The following CUL2 variants were observed in gnomAD, a reference collection of about 807,000 sequenced individuals.
CUL2 encodes cullin 2.
A neutral mutation model predicts 110.2 loss-of-function variants in CUL2; 22 were observed. The observed-to-expected ratio is 0.20, with a 90% CI of 0.14 to 0.28. The LOEUF (loss-of-function observed/expected upper bound fraction) is 0.28. Ranked by LOEUF, CUL2 falls within the 10% of genes least tolerant of loss-of-function variation. CUL2 has a pLI of 1.00. For synonymous variants in CUL2, 279 were observed against 293.2 expected (o/e 0.95, Z 0.49); for missense variants, 631 against 905.5 (o/e 0.70, Z 3.89).
chr10:35,121,819 A>T (rs933822728), intron 1 of CUL2, among the ~76,000 whole-genome samples: 22 of 152,148 alleles, frequency 1.4e-4, no homozygotes, highest in Admixed American at 8.5e-4. Context: ...CAAAAAAAAA[A>T]AAAAAAATAA....
In CUL2 at chr10:35,008,904, T is replaced by G. The variant is rs2084825831; in HGVS notation, c.*1407A>C. 1.3e-5 allele frequency: 2 copies of G among 152,136 alleles called. No homozygotes were observed. The highest frequency in any genetic ancestry group is 2.9e-5 in the Non-Finnish European group (2 of 67,984). The allele number at this position is 152,136 out of a possible 1,614,324, so 9.4% of individuals were successfully genotyped here. A position where few individuals can be genotyped will look rare whatever the true frequency, so the allele number is the denominator to read the frequency against. On this transcript the variant is annotated 3_prime_UTR_variant, in exon 21 of 21. Coordinates refer to ENST00000374749, the MANE Select transcript of CUL2 (RefSeq NM_003591.4). Reference sequence around the variant, plus strand: ...GAAGTATTATAAGTGAAATAATTTGTGTGATTTGCTTTAAAATATTCCGAT... The same window carrying G: ...GAAGTATTATAAGTGAAATAATTTGGGTGATTTGCTTTAAAATATTCCGAT...
chr10:35,039,497 T>C (rs1368677074), intron 8 of CUL2, among the ~76,000 whole-genome samples: 2 of 152,252 alleles, frequency 1.3e-5, no homozygotes, highest in East Asian at 1.9e-4. Context: ...TTATTTTACG[T>C]TGGTTTCTCT....
intron 1 of CUL2, among the ~76,000 whole-genome samples, chr10:35,102,622 T>A (rs1475135088): frequency 6.6e-6 from 1 of 150,782 alleles, no homozygotes; most frequent in South Asian, 2.1e-4. Context: ...CCGTGGCTCA[T>A]ACCTGTAATC....
upstream of CUL2, among the ~76,000 whole-genome samples, chr10:35,092,015 T>C (rs543102271): frequency 6.6e-6 from 1 of 152,286 alleles, no homozygotes; most frequent in Non-Finnish European, 1.5e-5. Flanking sequence ...TGCAGTGGCC[T>C]GATCATAGCT....
intron 17 of CUL2, among the ~76,000 whole-genome samples, chr10:35,021,502 A>G (rs929248061): frequency 1.3e-5 from 2 of 150,608 alleles, no homozygotes; most frequent in Non-Finnish European, 3.0e-5. Flanking sequence ...TATAGATGAT[A>G]TTTCCATAAT....
chr10:35,020,904 T>G (rs1355175134), intron 17 of CUL2, among the ~76,000 whole-genome samples: 1 of 152,032 alleles, frequency 6.6e-6, no homozygotes, highest in Non-Finnish European at 1.5e-5. Context: ...GGAAATACAC[T>G]CTCAACACTC....
intron 5 of CUL2, among the ~76,000 whole-genome samples, chr10:35,050,986 C>T (rs1371409435): frequency 6.6e-6 from 1 of 152,226 alleles, no homozygotes; most frequent in African/African-American, 2.4e-5. Context: ...TACTGCCAGG[C>T]TTTAGTCAAA....
intron 17 of CUL2, among the ~76,000 whole-genome samples, chr10:35,022,601 G>A (rs1315071167): frequency 6.6e-6 from 1 of 152,144 alleles, no homozygotes; most frequent in African/African-American, 2.4e-5. Context: ...CATAGCGTGT[G>A]AGAAACTTTT....
chr10:35,085,068 C>T (rs1211945009), intron 1 of CUL2, among the ~76,000 whole-genome samples: 2 of 151,756 alleles, frequency 1.3e-5, no homozygotes, highest in Non-Finnish European at 2.9e-5. Flanking sequence ...TGCAGTCAGC[C>T]GAGATTGTGC....
intron 1 of CUL2, among the ~76,000 whole-genome samples, chr10:35,106,687 A>G (rs769789936): frequency 9.9e-5 from 15 of 151,994 alleles, no homozygotes; most frequent in Non-Finnish European, 1.3e-4. Context: ...TGGCAGCCCA[A>G]GTGGAAAGAT....
upstream of CUL2, among the ~76,000 whole-genome samples, chr10:35,093,359 C>T (rs2087243073): frequency 6.6e-6 from 1 of 151,960 alleles, no homozygotes; most frequent in Admixed American, 6.6e-5. Flanking sequence ...CAATGGAAGG[C>T]CATTTTTACT....
intron 1 of CUL2, among the ~76,000 whole-genome samples, chr10:35,123,563 T>C (rs915184416): frequency 3.3e-4 from 50 of 152,142 alleles, no homozygotes; most frequent in African/African-American, 1.1e-3. Context: ...GCCTGGAACA[T>C]AGCAGGCACT....
At chr10:35,049,829 G>A in intron 5 of CUL2, 64 bp from the exon 6 acceptor site, 1 of 1,112,310 alleles carries the variant, frequency 9.0e-7, no homozygotes, top group Non-Finnish European at 1.3e-6. Context: ...ATTTCCTCAA[G>A]GTTTTTTTTA....
At chr10:35,035,386 G>T in intron 9 of CUL2, 90 bp from the exon 10 acceptor site, 1 of 1,410,852 alleles carries the variant, frequency 7.1e-7, no homozygotes, top group Non-Finnish European at 9.8e-7. Flanking sequence ...TACAATATAC[G>T]GATCCAAGTG....
chr10:35,019,609 A>T (rs2085133181), intron 17 of CUL2, among the ~76,000 whole-genome samples: 1 of 152,248 alleles, frequency 6.6e-6, no homozygotes, highest in Non-Finnish European at 1.5e-5. Context: ...ACTAAAAACT[A>T]AAATAAAACA....
At chr10:35,089,107 G>A (rs558659160) in intron 1 of CUL2, among the ~76,000 whole-genome samples, 101 of 152,230 alleles carry the variant, frequency 6.6e-4, no homozygotes, top group Non-Finnish European at 1.3e-3. Flanking sequence ...CCCGGGAGGC[G>A]GAGGTTGCAG....
chr10:35,083,696 T>C (rs1447793916), intron 1 of CUL2, among the ~76,000 whole-genome samples: 1 of 152,112 alleles, frequency 6.6e-6, no homozygotes, highest in African/African-American at 2.4e-5. Context: ...TAATGAATGA[T>C]AGGATTAGAT....
chr10:35,097,309 C>T (rs7897827), intron 2 of CUL2, among the ~76,000 whole-genome samples: 48,927 of 151,654 alleles, frequency 0.32, 8,014 homozygotes, highest in South Asian at 0.35. Context: ...TTTTTCCTAG[C>T]TGTACCCTTA....
chr10:35,036,303 A>T (rs2085619552), intron 9 of CUL2, among the ~76,000 whole-genome samples: 1 of 152,216 alleles, frequency 6.6e-6, no homozygotes, highest in Admixed American at 6.5e-5. Flanking sequence ...CTCCTCTATA[A>T]TATTCCATTG....
Sources: gnomAD v4.1 joint callset for allele counts (sites outside exome capture counted in the v4.1 genomes callset) on GRCh38, gnomAD v4.1.1 for gene constraint, MANE v1.5 for transcripts, NCBI Gene and HGNC (gene_info 2026-07-23, HGNC 2026-07-21) for gene names.